ERBB4: variants seen among roughly 807,000 people sequenced by gnomAD.
ERBB4 encodes the protein receptor tyrosine-protein kinase erbB-4.
Under a neutral mutation model 158.0 loss-of-function variants are expected in ERBB4, and 42 were observed. That is an observed-to-expected ratio of 0.27 (90% CI 0.21 to 0.34). The LOEUF (loss-of-function observed/expected upper bound fraction) is 0.34. Among genes scored for constraint, ERBB4 ranks in the 10% least tolerant of loss-of-function variants. The pLI is 1.00. For synonymous variants in ERBB4, 583 were observed against 558.7 expected, an observed-to-expected ratio of 1.04 and a Z score of -0.61; for missense variants, 1,333 against 1,624.1, an observed-to-expected ratio of 0.82 and a Z score of 3.08.
chr2:211,651,803 C>T (rs1020002992), intron 16 of ERBB4, among the ~76,000 whole-genome samples: 4 of 152,104 alleles, frequency 2.6e-5, no homozygotes, highest in African/African-American at 9.7e-5. Context: ...CTTGGTTCTG[C>T]CAACAACCTG....
intron 20 of ERBB4, among the ~76,000 whole-genome samples, chr2:211,495,880 T>C (rs2065456121): frequency 6.6e-6 from 1 of 152,042 alleles, no homozygotes; most frequent in South Asian, 2.1e-4. Flanking sequence ...AAACATAATA[T>C]CATTTATATC....
chr2:211,787,327 A>C (rs1380083385), intron 4 of ERBB4, among the ~76,000 whole-genome samples: 1 of 152,226 alleles, frequency 6.6e-6, no homozygotes, highest in Admixed American at 6.5e-5. Context: ...CAGACAGAAT[A>C]ATTTTCAAAG....
Position 211,722,274 on chromosome 2 carries a change from C to T in ERBB4, c.883+119G>A, listed in dbSNP as rs181363972. The T allele has an allele frequency of 5.3e-4, 433 of 815,138 alleles. 1 individual carries two copies. Among genetic ancestry groups the T allele is most frequent in the Non-Finnish European group, 8.4e-4 (414 of 490,942 alleles). The allele number at this position is 815,138 out of a possible 1,614,324, so 50.5% of individuals were successfully genotyped here. ...ATTTATAAAATGGGGGCAATAGTATCTATACCCAAAGTACTTATAATATTC... is the reference window on the plus strand; with the variant it reads ...ATTTATAAAATGGGGGCAATAGTATTTATACCCAAAGTACTTATAATATTC... On this transcript the variant is annotated intron_variant, in intron 7 of 27. Transcript: ENST00000342788.
intron 12 of ERBB4, among the ~76,000 whole-genome samples, chr2:211,700,709 A>T (rs1279900212): frequency 2.0e-5 from 3 of 152,128 alleles, no homozygotes; most frequent in Admixed American, 1.3e-4. Flanking sequence ...TTATTCACAC[A>T]CACACACGCA....
intron 3 of ERBB4, among the ~76,000 whole-genome samples, chr2:211,864,972 C>G (rs2078167480): frequency 6.6e-6 from 1 of 152,026 alleles, no homozygotes; most frequent in Admixed American, 6.6e-5. Context: ...GATTGAGTCA[C>G]TGTACTCCTG....
intron 19 of ERBB4, among the ~76,000 whole-genome samples, chr2:211,584,105 T>A (rs956499867): frequency 3.3e-5 from 5 of 150,692 alleles, no homozygotes; most frequent in Admixed American, 2.0e-4. Context: ...CTGATCTGCC[T>A]CAAGAAAGAT....
chr2:211,624,415 A>T (rs1408710275), intron 17 of ERBB4, among the ~76,000 whole-genome samples: 1 of 152,136 alleles, frequency 6.6e-6, no homozygotes, highest in Non-Finnish European at 1.5e-5. Flanking sequence ...GAGGGGAAAA[A>T]AACGCACAAT....
chr2:212,501,083 C>T (rs1453446124), intron 1 of ERBB4, among the ~76,000 whole-genome samples: 4 of 152,150 alleles, frequency 2.6e-5, no homozygotes, highest in Non-Finnish European at 5.9e-5. Flanking sequence ...CTACACAACT[C>T]TCTCTTCAGA....
chr2:211,950,685 C>G lies in ERBB4; in HGVS notation c.235-3069G>C, dbSNP rs76147992. Reference sequence around the variant, plus strand: ...AAGGGATATATGGAATTACTCATATCTGGCATCAAATTGGGAACTCTAAGC... The same window carrying G: ...AAGGGATATATGGAATTACTCATATGTGGCATCAAATTGGGAACTCTAAGC... On this transcript the variant is annotated intron_variant, in intron 2 of 27. Coordinates refer to ENST00000342788, the MANE Select transcript of ERBB4 (RefSeq NM_005235.3). Among the ~76,000 whole-genome samples the G allele has an allele frequency of 1.1e-4, 16 of 152,212 alleles. No individual in the cohort carries two copies. The East Asian group carries it at 2.7e-3, about 26-fold the overall frequency.
At chr2:212,035,593 G>C (rs1262852545) in intron 2 of ERBB4, among the ~76,000 whole-genome samples, 1 of 152,032 alleles carries the variant, frequency 6.6e-6, no homozygotes, top group African/African-American at 2.4e-5. Context: ...ACACTGTATT[G>C]TTTCTATTTT....
At chr2:211,623,519 G>A (rs971711676) in intron 18 of ERBB4, among the ~76,000 whole-genome samples, 3 of 152,116 alleles carry the variant, frequency 2.0e-5, no homozygotes, top group East Asian at 1.9e-4. Context: ...AAAAGCAGAA[G>A]AGAAAAAGAA....
intron 8 of ERBB4, 72 bp from the exon 9 acceptor site, chr2:211,712,248 T>A: frequency 7.1e-7 from 1 of 1,408,872 alleles, no homozygotes; most frequent in Non-Finnish European, 1.0e-6. Flanking sequence ...GCATCTTCAT[T>A]ATAAAATAGC....
At chr2:212,506,469 T>A (rs2106261369) in intron 1 of ERBB4, among the ~76,000 whole-genome samples, 1 of 150,776 alleles carries the variant, frequency 6.6e-6, no homozygotes, top group Non-Finnish European at 1.5e-5. Flanking sequence ...AAATTGTGAA[T>A]GCAAAGGAAA....
At chr2:212,369,971 A>G (rs1407613882) in intron 1 of ERBB4, among the ~76,000 whole-genome samples, 1 of 149,862 alleles carries the variant, frequency 6.7e-6, no homozygotes, top group Non-Finnish European at 1.5e-5. Flanking sequence ...GAAAATTTAG[A>G]AAAAAAATGA....
chr2:212,291,209 C>A (rs1210023942), intron 1 of ERBB4, among the ~76,000 whole-genome samples: 1 of 152,100 alleles, frequency 6.6e-6, no homozygotes, highest in Non-Finnish European at 1.5e-5. Flanking sequence ...CAGCCCATGA[C>A]AAGTTTAAGG....
intron 1 of ERBB4, among the ~76,000 whole-genome samples, chr2:212,480,654 G>A (rs926197220): frequency 7.9e-5 from 12 of 152,150 alleles, no homozygotes; most frequent in South Asian, 2.1e-4. Context: ...GGGAGACACC[G>A]CAGCAAGGCA....
At chr2:211,871,278 C>G (rs184067467) in intron 3 of ERBB4, among the ~76,000 whole-genome samples, 78 of 152,230 alleles carry the variant, frequency 5.1e-4, no homozygotes, top group African/African-American at 1.8e-3. Context: ...GCCAGAGGAT[C>G]ACTTGAGCCC....
At chr2:211,475,982 T>C (rs1008016292) in intron 20 of ERBB4, among the ~76,000 whole-genome samples, 1 of 151,842 alleles carries the variant, frequency 6.6e-6, no homozygotes, top group Non-Finnish European at 1.5e-5. Context: ...ATAACAAATA[T>C]AAAAATGACT....
rs189295154 is a variant in ERBB4, at chr2:211,952,015, A to T, written c.235-4399T>A. Among the ~76,000 whole-genome samples, 357 of 152,188 alleles carry T rather than the reference A, an allele frequency of 2.3e-3. 1 individual carries two copies. Among genetic ancestry groups the T allele is most frequent in the African/African-American group, 8.1e-3 (337 of 41,562 alleles). ...AAAATAATGTAAATAATAGAAAAAA[A>T]ATCATAGCAAATCTCTCAACCCAAG... On this transcript the variant is annotated intron_variant, in intron 2 of 27. Coordinates refer to ENST00000342788, the MANE Select transcript of ERBB4 (RefSeq NM_005235.3).
Sources: gnomAD v4.1 joint callset for allele counts (sites outside exome capture counted in the v4.1 genomes callset) on GRCh38, gnomAD v4.1.1 for gene constraint, MANE v1.5 for transcripts, NCBI Gene and HGNC (gene_info 2026-07-23, HGNC 2026-07-21) for gene names.